The following EGFR variants were observed in gnomAD, a reference collection of about 807,000 sequenced individuals.
EGFR encodes avian erythroblastic leukemia viral (v-erb-b) oncogene homolog.
EGFR carries 58 observed loss-of-function variants against 143.0 expected under a neutral mutation model. That is an observed-to-expected ratio of 0.41 (90% CI 0.33 to 0.50). EGFR has a LOEUF of 0.50. EGFR is among the 20% of genes least tolerant of loss of function. The pLI is 0.39. For synonymous variants in EGFR, 613 were observed against 594.4 expected (o/e 1.03, Z -0.45); for missense variants, 1,307 against 1,579.0 (o/e 0.83, Z 2.92).
Position 55,151,238 on chromosome 7 carries a change from G to A in EGFR, c.560-56G>A, listed in dbSNP as rs369677373. 5.3e-5 allele frequency: 82 copies of A among 1,544,932 alleles called. 1 individual carries two copies. The South Asian group carries it at 5.6e-4, about 11-fold the overall frequency. On this transcript the variant is annotated intron_variant, in intron 4 of 27. Coordinates refer to ENST00000275493, the MANE Select transcript of EGFR (RefSeq NM_005228.5). ...GCTTAACTCAGGCCCGGGAAAGGGC[G>A]TCATCAGTTTCTCATCATTTCACTG...
chr7:55,151,456 CAA>C, intron 5 of EGFR, 94 bp downstream of exon 5: 1 of 1,329,420 alleles, frequency 7.5e-7, no homozygotes, highest in South Asian at 1.2e-5. Flanking sequence ...CTGAAGACTC[CAA>C]AGAGTTACTT....
Position 55,094,535 on chromosome 7 carries a change from G to A in EGFR, c.89-47751G>A, listed in dbSNP as rs142844836. On this transcript the variant is annotated intron_variant, in intron 1 of 27. Coordinates refer to ENST00000275493, the MANE Select transcript of EGFR (RefSeq NM_005228.5). ...TTGGAGATTACAGGTGACCTCAGAGGAGGGAGTGAGAACATCTGGGTCATG... is the reference window on the plus strand; with the variant it reads ...TTGGAGATTACAGGTGACCTCAGAGAAGGGAGTGAGAACATCTGGGTCATG... Among the ~76,000 whole-genome samples the A allele has an allele frequency of 4.3e-3, 654 of 152,342 alleles. 7 individuals carry two copies. The highest frequency in any genetic ancestry group is 0.015 in the African/African-American group (619 of 41,582).
chr7:55,141,492 T>A (rs1230986267), intron 1 of EGFR, among the ~76,000 whole-genome samples: 1 of 152,198 alleles, frequency 6.6e-6, no homozygotes, highest in Non-Finnish European at 1.5e-5. Flanking sequence ...CCTCCGCCTG[T>A]GCTGGGTGGA....
At chr7:55,076,133 G>A (rs1790120383) in intron 1 of EGFR, among the ~76,000 whole-genome samples, 1 of 152,204 alleles carries the variant, frequency 6.6e-6, no homozygotes, top group Admixed American at 6.5e-5. Flanking sequence ...TGTTAGTAGT[G>A]TTGTACAAGC....
Position 55,181,319 on chromosome 7 carries a change from C to T in EGFR, c.2310C>T (p.Asp770=), listed in dbSNP as rs397517110. The change falls in exon 20 of 28, where the codon GAC becomes GAT. Residue 770 remains aspartate (D), a synonymous_variant. Coordinates refer to ENST00000275493, the MANE Select transcript of EGFR (RefSeq NM_005228.5). ...LDEAYVMASV[D]NPHVCRLLGI... is the part of the protein sequence containing the mutation. ...AAGCCTACGTGATGGCCAGCGTGGA[C>T]AACCCCCACGTGTGCCGCCTGCTGG... 2 of 1,614,222 alleles carry T rather than the reference C, an allele frequency of 1.2e-6. No individual in the cohort carries two copies. The highest frequency in any genetic ancestry group is 1.7e-6 in the Non-Finnish European group (2 of 1,180,046).
rs150549265 is a variant in EGFR at position 55,154,137 on chromosome 7, G to A, written c.874G>A (p.Val292Met). 6 of 1,614,224 alleles carry A rather than the reference G, an allele frequency of 3.7e-6. No individual in the cohort carries two copies. Among genetic ancestry groups the A allele is most frequent in the African/African-American group, 1.3e-5 (1 of 75,070 alleles). ...EGKYSFGATC[V>M]KKCPRNYVVT... Reference sequence around the variant, plus strand: ...CAAATACAGCTTTGGTGCCACCTGCGTGAAGAAGTGTCCCCGTGAGTCCTC... The same window carrying A: ...CAAATACAGCTTTGGTGCCACCTGCATGAAGAAGTGTCCCCGTGAGTCCTC... The change falls in exon 7 of 28, where the codon GTG (valine) becomes ATG (methionine). Residue 292 changes from valine (V) to methionine (M), a missense_variant. Around this residue, in one of 7 missense-constraint regions of EGFR, gnomAD observed 311 missense variants for 412.3 expected, o/e 0.75. Coordinates refer to ENST00000275493, the MANE Select transcript of EGFR (RefSeq NM_005228.5).
intron 1 of EGFR, chr7:55,119,393 G>C (rs992735319): frequency 5.3e-5 from 8 of 152,126 alleles, no homozygotes; most frequent in African/African-American, 1.7e-4. Flanking sequence ...AAACATATAG[G>C]GGATAATGTT....
chr7:55,147,510 CAA>C (rs3063067), intron 4 of EGFR, among the ~76,000 whole-genome samples: 10 of 137,708 alleles, frequency 7.3e-5, no homozygotes, highest in Admixed American at 2.2e-4. Flanking sequence ...GCCCTCAGAA[CAA>C]AAAAAAAAAA....
chr7:55,126,296 A>G (rs1166050000), intron 1 of EGFR, among the ~76,000 whole-genome samples: 1 of 152,200 alleles, frequency 6.6e-6, no homozygotes, highest in African/African-American at 2.4e-5. Context: ...ATGTCCCAGG[A>G]CTGTTCGTTT....
intron 1 of EGFR, among the ~76,000 whole-genome samples, chr7:55,063,374 C>T (rs1213164944): frequency 6.6e-6 from 1 of 152,092 alleles, no homozygotes; most frequent in Non-Finnish European, 1.5e-5. Context: ...GATCGAACCA[C>T]ATGTGCTGAT....
intron 1 of EGFR, among the ~76,000 whole-genome samples, chr7:55,056,738 G>A (rs1172616439): frequency 6.6e-6 from 1 of 152,202 alleles, no homozygotes; most frequent in African/African-American, 2.4e-5. Flanking sequence ...AATGAAAAAC[G>A]CCAGTTGCGT....
intron 18 of EGFR, 38 bp downstream of exon 18, chr7:55,174,081 G>T (rs1209388423): frequency 6.2e-7 from 1 of 1,613,792 alleles, no homozygotes; most frequent in Admixed American, 1.7e-5. Flanking sequence ...CTGGGCCGCA[G>T]GGCCTCTCAT....
At chr7:55,074,700 TAGAC>T (rs1562691948) in intron 1 of EGFR, among the ~76,000 whole-genome samples, 1 of 152,212 alleles carries the variant, frequency 6.6e-6, no homozygotes, top group Non-Finnish European at 1.5e-5. Flanking sequence ...CCACTGTAAA[TAGAC>T]AGACTCATTA....
At chr7:55,127,585 C>T (rs1457710700) in intron 1 of EGFR, among the ~76,000 whole-genome samples, 3 of 151,726 alleles carry the variant, frequency 2.0e-5, no homozygotes, top group Admixed American at 6.6e-5. Context: ...AAAAATAATA[C>T]GCTTTGAATG....
chr7:55,068,418 T>G (rs1461044703), intron 1 of EGFR, among the ~76,000 whole-genome samples: 1 of 152,202 alleles, frequency 6.6e-6, no homozygotes, highest in Admixed American at 6.5e-5. Flanking sequence ...ACGTAGAGTT[T>G]TCCTTGACTA....
At chr7:55,169,073 G>A (rs918198605) in intron 15 of EGFR, among the ~76,000 whole-genome samples, 1 of 151,958 alleles carries the variant, frequency 6.6e-6, no homozygotes, top group South Asian at 2.1e-4. Context: ...ACCCAGACGA[G>A]GGGGAGGAAC....
intron 1 of EGFR, among the ~76,000 whole-genome samples, chr7:55,057,490 A>G (rs760068583): frequency 1.3e-4 from 20 of 152,224 alleles, no homozygotes; most frequent in Non-Finnish European, 2.1e-4. Flanking sequence ...ACTCTTCCAC[A>G]AACACTTCAA....
intron 1 of EGFR, among the ~76,000 whole-genome samples, chr7:55,107,111 C>T (rs1198922963): frequency 2.0e-5 from 3 of 152,168 alleles, no homozygotes; most frequent in Non-Finnish European, 4.4e-5. Context: ...AAGATAGAAG[C>T]AGCAGCATAT....
chr7:55,028,960 C>T (rs1275403753), intron 1 of EGFR, among the ~76,000 whole-genome samples: 1 of 152,004 alleles, frequency 6.6e-6, no homozygotes, highest in African/African-American at 2.4e-5. Context: ...GAGTTTGAGA[C>T]TTGCCTGACC....
Sources: allele counts gnomAD v4.1 joint callset (sites outside exome capture counted in the v4.1 genomes callset), GRCh38; gene constraint gnomAD v4.1.1; regional missense constraint gnomAD v4.1.1; transcripts MANE v1.5; gene names NCBI Gene and HGNC (gene_info 2026-07-23, HGNC 2026-07-21).